The following COL25A1 variants were observed in gnomAD, a reference collection of about 807,000 sequenced individuals.
COL25A1 encodes collagen alpha-1(XXV) chain.
Under a neutral mutation model 128.4 loss-of-function variants are expected in COL25A1, and 103 were observed. That is an observed-to-expected ratio of 0.80 (90% CI 0.68 to 0.94). The LOEUF is 0.94. Among genes scored for constraint, COL25A1 ranks in the 40% least tolerant of loss-of-function variants. The probability of loss-of-function intolerance (pLI) is 0.00; values close to 1 mark genes in which losing one functional copy is unlikely to be tolerated. For synonymous variants in COL25A1, 279 were observed against 277.2 expected (o/e 1.01, Z -0.06); for missense variants, 745 against 840.0 (o/e 0.89, Z 1.40).
At chr4:108,910,795 A>G (rs181086053) in intron 13 of COL25A1, among the ~76,000 whole-genome samples, 22 of 152,354 alleles carry the variant, frequency 1.4e-4, no homozygotes, top group East Asian at 5.8e-4. Flanking sequence ...TAAGATGCCT[A>G]TAACATTTAG....
intron 3 of COL25A1, among the ~76,000 whole-genome samples, chr4:109,192,567 A>G (rs992048888): frequency 1.3e-5 from 2 of 152,188 alleles, no homozygotes; most frequent in Non-Finnish European, 2.9e-5. Context: ...AAGAAAAGAG[A>G]AGGTGGGCCT....
chr4:109,065,612 A>C lies in COL25A1; in HGVS notation c.368-15433T>G, dbSNP rs775264111. Reference sequence around the variant, plus strand: ...TGCATGCACGTGTGTTTAAGAAATAAATTTTTTCTCCCTTAATACTATCCC... The same window carrying C: ...TGCATGCACGTGTGTTTAAGAAATACATTTTTTCTCCCTTAATACTATCCC... On this transcript the variant is annotated intron_variant, in intron 3 of 37. Transcript: ENST00000399132. Among the ~76,000 whole-genome samples the C allele has an allele frequency of 2.7e-5, 4 of 149,584 alleles. No homozygotes were observed. In the South Asian group the frequency reaches 8.5e-4, roughly 32 times the overall value.
intron 8 of COL25A1, among the ~76,000 whole-genome samples, chr4:108,963,209 T>C (rs919596592): frequency 2.2e-4 from 34 of 152,348 alleles, no homozygotes; most frequent in African/African-American, 7.7e-4. Context: ...TGATGCACCA[T>C]TAAAATCTGC....
chr4:109,173,144 GGT>G (rs1489547681), intron 3 of COL25A1, among the ~76,000 whole-genome samples: 1 of 152,026 alleles, frequency 6.6e-6, no homozygotes, highest in Non-Finnish European at 1.5e-5. Flanking sequence ...GGAGTCCAGT[GGT>G]GCAATCATAA....
intron 32 of COL25A1, among the ~76,000 whole-genome samples, chr4:108,827,780 CAA>C (rs895752802): frequency 1.2e-4 from 18 of 152,266 alleles, no homozygotes; most frequent in African/African-American, 3.8e-4. Context: ...CTTGGACTCC[CAA>C]AGTGTTGGGA....
chr4:108,812,975 C>G lies in COL25A1; in HGVS notation c.*952G>C, dbSNP rs1001356428. On this transcript the variant is annotated 3_prime_UTR_variant, in exon 38 of 38. Transcript: ENST00000399132. ...GCTGTGCCTCTGTCATTTTTAAAAG[C>G]ACCTATATTAACACTTGCTGAAATT... is the stretch of plus-strand genomic sequence containing the variant. The G allele has an allele frequency of 6.6e-6, 1 of 152,208 alleles. No homozygotes were observed. The highest frequency in any genetic ancestry group is 1.5e-5 in the Non-Finnish European group (1 of 68,046). 9.4% of individuals were successfully genotyped at this position (152,208 alleles called of 1,614,324 possible).
At chr4:109,061,945 C>G (rs913809110) in intron 3 of COL25A1, among the ~76,000 whole-genome samples, 6 of 152,182 alleles carry the variant, frequency 3.9e-5, no homozygotes, top group African/African-American at 1.2e-4. Flanking sequence ...CAATCCAAGA[C>G]ATGATTTTAA....
At chr4:108,983,644 C>G (rs926881121) in intron 6 of COL25A1, among the ~76,000 whole-genome samples, 1 of 152,010 alleles carries the variant, frequency 6.6e-6, no homozygotes, top group African/African-American at 2.4e-5. Context: ...GGAGTTTGTT[C>G]GGATGTGTTT....
chr4:108,912,544 A>C (rs1036793412), intron 13 of COL25A1, among the ~76,000 whole-genome samples: 2 of 152,116 alleles, frequency 1.3e-5, no homozygotes, highest in Admixed American at 1.3e-4. Context: ...TTACTGGGTA[A>C]ATTCTGCTAA....
chr4:109,163,374 A>C (rs1772765252), intron 3 of COL25A1, among the ~76,000 whole-genome samples: 1 of 152,252 alleles, frequency 6.6e-6, no homozygotes, highest in South Asian at 2.1e-4. Context: ...CACCAGATAC[A>C]ATGGCCTTTG....
chr4:109,199,623 T>C (rs554453344), intron 3 of COL25A1, among the ~76,000 whole-genome samples: 1 of 152,288 alleles, frequency 6.6e-6, no homozygotes, highest in Non-Finnish European at 1.5e-5. Context: ...AATATAGTAA[T>C]CCAAATAAGT....
chr4:109,216,182 T>C (rs904349996), intron 3 of COL25A1, among the ~76,000 whole-genome samples: 17 of 152,044 alleles, frequency 1.1e-4, no homozygotes, highest in African/African-American at 4.1e-4. Flanking sequence ...TGTCACTCTA[T>C]CCGGTGTTCC....
At chr4:109,116,120 G>T (rs1360053977) in intron 3 of COL25A1, among the ~76,000 whole-genome samples, 2 of 151,940 alleles carry the variant, frequency 1.3e-5, no homozygotes, top group East Asian at 3.9e-4. Context: ...ATTCAGTAGG[G>T]ACAGCAATGA....
In COL25A1 at chr4:108,810,832, C is replaced by T. The variant is rs1485342337; in HGVS notation, c.*3095G>A. On this transcript the variant is annotated 3_prime_UTR_variant, in exon 38 of 38. Transcript: ENST00000399132. ...CATGAACTTTAAAAATAAAATAACA[C>T]ACTAATGATTTAGGAATGCTATTAA... 1.3e-5 allele frequency: 2 copies of T among 151,920 alleles called. No individual in the cohort carries two copies. The highest frequency in any genetic ancestry group is 2.9e-5 in the Non-Finnish European group (2 of 67,886). The allele number at this position is 151,920 out of a possible 1,614,324, so 9.4% of individuals were successfully genotyped here. A position where few individuals can be genotyped will look rare whatever the true frequency, so the allele number is the denominator to read the frequency against.
At chr4:108,987,028 G>A (rs1204904903) in intron 6 of COL25A1, among the ~76,000 whole-genome samples, 4 of 152,178 alleles carry the variant, frequency 2.6e-5, no homozygotes, top group Non-Finnish European at 5.9e-5. Flanking sequence ...GTCAATTTAT[G>A]ATACTATTTT....
intron 3 of COL25A1, among the ~76,000 whole-genome samples, chr4:109,179,267 T>C (rs1431343770): frequency 6.6e-6 from 1 of 152,192 alleles, no homozygotes; most frequent in Admixed American, 6.5e-5. Flanking sequence ...CCAGCCTTCC[T>C]TGCAACCTGC....
At chr4:109,282,958 T>A (rs1723522617) in intron 3 of COL25A1, among the ~76,000 whole-genome samples, 1 of 152,136 alleles carries the variant, frequency 6.6e-6, no homozygotes, top group African/African-American at 2.4e-5. Flanking sequence ...TTACTATTGC[T>A]CTATGCATGG....
chr4:108,831,675 AGAGAGAGAGGGG>A (rs1244163905), intron 32 of COL25A1, among the ~76,000 whole-genome samples: 4 of 126,758 alleles, frequency 3.2e-5, no homozygotes, highest in African/African-American at 1.3e-4. Flanking sequence ...AAAAACAGAA[AGAGAGAGAGGGG>A]GAGAGAGAGA....
chr4:108,918,638 C>G (rs969482076), intron 12 of COL25A1, among the ~76,000 whole-genome samples: 2 of 152,096 alleles, frequency 1.3e-5, no homozygotes, highest in Non-Finnish European at 2.9e-5. Flanking sequence ...CCATTTGTTC[C>G]GCAGTTAAAT....
Sources: gnomAD v4.1 joint callset for allele counts (sites outside exome capture counted in the v4.1 genomes callset) on GRCh38, gnomAD v4.1.1 for gene constraint, MANE v1.5 for transcripts, NCBI Gene and HGNC (gene_info 2026-07-23, HGNC 2026-07-21) for gene names.